The following GALNT10 variants were observed in gnomAD, a reference collection of about 807,000 sequenced individuals.
The protein encoded by GALNT10 is GalNAc transferase 10.
A neutral mutation model predicts 75.0 loss-of-function variants in GALNT10; 41 were observed. The ratio of observed to expected loss-of-function variants is 0.55; its 90% confidence interval spans 0.43 to 0.71. The LOEUF is 0.71. Ranked by LOEUF, GALNT10 falls within the 30% of genes least tolerant of loss-of-function variation. The pLI is 0.00. For missense variants in GALNT10, 727 were observed against 818.5 expected (o/e 0.89, Z 1.36); for synonymous variants, 302 against 313.0 (o/e 0.96, Z 0.37).
At chr5:154,399,124 C>T (rs1024903929) in intron 7 of GALNT10, among the ~76,000 whole-genome samples, 2 of 152,176 alleles carry the variant, frequency 1.3e-5, no homozygotes, top group African/African-American at 4.8e-5. Flanking sequence ...GGTCACATAG[C>T]AGGCATTGGT....
At chr5:154,237,809 A>G (rs1753270034) in intron 1 of GALNT10, among the ~76,000 whole-genome samples, 1 of 152,208 alleles carries the variant, frequency 6.6e-6, no homozygotes, top group Non-Finnish European at 1.5e-5. Context: ...CATCACATCA[A>G]GGATACCTAC....
Position 154,298,733 on chromosome 5 carries a change from CT to C in GALNT10, c.401+656del, listed in dbSNP as rs2113079724. On this transcript the variant is annotated intron_variant, in intron 3 of 11. Coordinates refer to ENST00000297107, the MANE Select transcript of GALNT10 (RefSeq NM_198321.4). The surrounding 1 kb of genome is among the most constrained non-coding windows in gnomAD (Gnocchi z 4.1). Reference sequence around the variant, plus strand: ...TTCAATCAAAAACTATACTCTGGACCTTAAGTTATCCTGCCTCCCTGTACAT... The same window carrying C: ...TTCAATCAAAAACTATACTCTGGACCTAAGTTATCCTGCCTCCCTGTACAT... Among the ~76,000 whole-genome samples the C allele has an allele frequency of 6.6e-6, 1 of 152,302 alleles. No individual in the cohort carries two copies. Among genetic ancestry groups the C allele is most frequent in the African/African-American group, 2.4e-5 (1 of 41,550 alleles).
intron 4 of GALNT10, among the ~76,000 whole-genome samples, chr5:154,355,000 C>T (rs967627328): frequency 6.6e-6 from 1 of 152,228 alleles, no homozygotes; most frequent in Admixed American, 6.5e-5. Flanking sequence ...ACTGTCAAGT[C>T]GTTGTGGTAC....
chr5:154,329,863 C>T (rs1277833670), intron 4 of GALNT10, 125 bp downstream of exon 4: 10 of 604,648 alleles, frequency 1.7e-5, no homozygotes, highest in African/African-American at 3.7e-5. Context: ...AATGCCTGGA[C>T]GTTGCACTGT....
intron 6 of GALNT10, among the ~76,000 whole-genome samples, chr5:154,380,956 T>G (rs1755724579): frequency 6.6e-6 from 1 of 152,306 alleles, no homozygotes; most frequent in Admixed American, 6.5e-5. Flanking sequence ...CGTCACCAAG[T>G]GCCCAGCCCA....
intron 4 of GALNT10, among the ~76,000 whole-genome samples, chr5:154,367,682 G>A (rs185369362): frequency 1.3e-5 from 2 of 152,102 alleles, no homozygotes; most frequent in East Asian, 3.9e-4. Context: ...TTGAAACCTC[G>A]TCTCTACTGA....
At chr5:154,214,642 G>A (rs996519531) in intron 1 of GALNT10, among the ~76,000 whole-genome samples, 43 of 152,180 alleles carry the variant, frequency 2.8e-4, no homozygotes, top group African/African-American at 9.6e-4. Context: ...ATTACACACC[G>A]AGGTTATGAG....
intron 1 of GALNT10, among the ~76,000 whole-genome samples, chr5:154,291,052 A>T (rs1393843832): frequency 1.3e-5 from 2 of 152,144 alleles, no homozygotes; most frequent in Non-Finnish European, 2.9e-5. Flanking sequence ...GGAGGGAGGG[A>T]TAGAGGGAGC....
chr5:154,382,553 A>G (rs935375384), intron 6 of GALNT10, among the ~76,000 whole-genome samples: 4 of 152,174 alleles, frequency 2.6e-5, no homozygotes, highest in Non-Finnish European at 5.9e-5. Flanking sequence ...ATTGTGCATG[A>G]TCCTTATAAT....
chr5:154,254,953 C>T (rs1021364859), intron 1 of GALNT10, among the ~76,000 whole-genome samples: 14 of 152,128 alleles, frequency 9.2e-5, no homozygotes, highest in African/African-American at 3.1e-4. Context: ...ATGTAAGATT[C>T]CTGTAGGAGC....
rs139833446 is a variant in GALNT10, at chr5:154,298,424, TA to T, written c.401+353del. 6.6e-6 allele frequency among the ~76,000 whole-genome samples: 1 copy of T among 152,226 alleles called. No individual in the cohort carries two copies. The highest frequency in any genetic ancestry group is 6.5e-5 in the Admixed American group (1 of 15,292). ...TCTGTGTGATGTTTTTATTTCTTTT[TA>T]AAAAAAATCTTTCTATATATTTGTA... On this transcript the variant is annotated intron_variant, in intron 3 of 11. Transcript: ENST00000297107. This position sits in a 1 kb window ranked among gnomAD's most constrained non-coding sequence, Gnocchi z 4.1.
At chr5:154,367,857 C>CAA (rs71577134) in intron 4 of GALNT10, among the ~76,000 whole-genome samples, 11 of 77,090 alleles carry the variant, frequency 1.4e-4, no homozygotes, top group African/African-American at 2.3e-4. Context: ...GACTCCGTCT[C>CAA]AAAAAAAAAA....
rs1756511850 is a variant in GALNT10, at chr5:154,416,457, AT to A, written c.1654-356del. 6.9e-6 allele frequency among the ~76,000 whole-genome samples: 1 copy of A among 145,926 alleles called. No individual in the cohort carries two copies. Among genetic ancestry groups the A allele is most frequent in the Non-Finnish European group, 1.5e-5 (1 of 67,286 alleles). On this transcript the variant is annotated intron_variant, in intron 11 of 11. Transcript: ENST00000297107. The surrounding 1 kb of genome is among the most constrained non-coding windows in gnomAD (Gnocchi z 4.5). ...CAAAAAAATTAAAAAAATTAAAAAAATAAAAGATAAAAGGAAAGCACATACA... is the reference window on the plus strand; with the variant it reads ...CAAAAAAATTAAAAAAATTAAAAAAAAAAAGATAAAAGGAAAGCACATACA...
intron 1 of GALNT10, among the ~76,000 whole-genome samples, chr5:154,203,509 G>T (rs1775059812): frequency 6.6e-6 from 1 of 151,376 alleles, no homozygotes; most frequent in African/African-American, 2.5e-5. Flanking sequence ...CATGGCTCAG[G>T]GGTGACCTAA....
At chr5:154,393,011 A>G (rs1417467339) in intron 7 of GALNT10, 3 of 150,772 alleles carry the variant, frequency 2.0e-5, no homozygotes, top group Non-Finnish European at 4.4e-5. Flanking sequence ...AAGTTAGAGC[A>G]TATCTAAACA....
At chr5:154,202,855 A>G (rs1422629919) in intron 1 of GALNT10, among the ~76,000 whole-genome samples, 2 of 152,140 alleles carry the variant, frequency 1.3e-5, no homozygotes, top group Admixed American at 1.3e-4. Flanking sequence ...GTCTCCCAGC[A>G]GAGTCAGCCT....
intron 1 of GALNT10, among the ~76,000 whole-genome samples, chr5:154,236,011 A>G (rs1301867514): frequency 6.6e-6 from 1 of 152,206 alleles, no homozygotes; most frequent in East Asian, 1.9e-4. Context: ...ATGTTTACAT[A>G]GTTCCCAGAC....
At chr5:154,229,681 C>T (rs746757852) in intron 1 of GALNT10, among the ~76,000 whole-genome samples, 21 of 151,822 alleles carry the variant, frequency 1.4e-4, no homozygotes, top group Non-Finnish European at 5.9e-5. Context: ...TGCGGTGAGC[C>T]GAGAATGCGC....
chr5:154,327,123 G>A (rs533834513), intron 3 of GALNT10, among the ~76,000 whole-genome samples: 8 of 152,250 alleles, frequency 5.3e-5, no homozygotes, highest in Non-Finnish European at 1.2e-4. Flanking sequence ...GGAGGCTGAG[G>A]TGGGATGGCA....
Sources: gnomAD v4.1 joint callset for allele counts (sites outside exome capture counted in the v4.1 genomes callset) on GRCh38, gnomAD v4.1.1 for gene constraint, Gnocchi (gnomAD v3.1) non-coding constraint, MANE v1.5 for transcripts, NCBI Gene and HGNC (gene_info 2026-07-23, HGNC 2026-07-21) for gene names.